AUTS2: variants seen among roughly 807,000 people sequenced by gnomAD.
AUTS2 encodes the protein autism susceptibility gene 2 protein.
AUTS2 carries 17 observed loss-of-function variants against 112.4 expected under a neutral mutation model. That is an observed-to-expected ratio of 0.15 (90% CI 0.10 to 0.23). The LOEUF (loss-of-function observed/expected upper bound fraction) is 0.23, where lower values mean the gene tolerates loss of function less well. AUTS2 is among the 10% of genes least tolerant of loss of function. The pLI, the probability that AUTS2 is intolerant of heterozygous loss-of-function variation, is 1.00. For synonymous variants in AUTS2, 751 were observed against 702.7 expected (o/e 1.07, Z -1.09); for missense variants, 1,510 against 1,701.6 (o/e 0.89, Z 1.98).
chr7:70,382,817 T>G (rs1411596383), intron 4 of AUTS2, among the ~76,000 whole-genome samples: 2 of 152,218 alleles, frequency 1.3e-5, no homozygotes, highest in Non-Finnish European at 2.9e-5. Context: ...GGTCATTCTC[T>G]TCCTTTTTTA....
chr7:69,930,814 G>C (rs1027513726), intron 2 of AUTS2, among the ~76,000 whole-genome samples: 6 of 151,888 alleles, frequency 4.0e-5, no homozygotes, highest in Non-Finnish European at 5.9e-5. Flanking sequence ...AAAATCTTTA[G>C]GTAAACATCA....
intron 5 of AUTS2, among the ~76,000 whole-genome samples, chr7:70,522,454 C>A (rs1416603720): frequency 6.6e-6 from 1 of 152,160 alleles, no homozygotes; most frequent in Non-Finnish European, 1.5e-5. Context: ...TGCCTTCTTC[C>A]CTCTCTCCAC....
At chr7:70,516,129 C>T (rs1203837587) in intron 5 of AUTS2, among the ~76,000 whole-genome samples, 2 of 152,176 alleles carry the variant, frequency 1.3e-5, no homozygotes, top group Non-Finnish European at 2.9e-5. Context: ...GTAACTGATT[C>T]TTGTAGCAGA....
intron 2 of AUTS2, among the ~76,000 whole-genome samples, chr7:70,059,576 G>T (rs1305539172): frequency 6.6e-6 from 1 of 152,142 alleles, no homozygotes; most frequent in African/African-American, 2.4e-5. Flanking sequence ...CGAGGATCTG[G>T]AAATTCTGTA....
chr7:69,885,074 G>T (rs1451291522), intron 1 of AUTS2, among the ~76,000 whole-genome samples: 2 of 152,208 alleles, frequency 1.3e-5, no homozygotes, highest in Non-Finnish European at 2.9e-5. Flanking sequence ...CAGAGTCATA[G>T]CTGTGTGAAC....
In AUTS2 at chr7:70,791,000, G is replaced by A. The variant is rs764244245; in HGVS notation, c.*4G>A. 8.1e-6 allele frequency: 12 copies of A among 1,489,592 alleles called. No individual in the cohort carries two copies. The South Asian group carries it at 1.4e-4, about 18-fold the overall frequency. 92.3% of individuals were successfully genotyped at this position (1,489,592 alleles called of 1,614,324 possible). On this transcript the variant is annotated 3_prime_UTR_variant, in exon 19 of 19. Transcript: ENST00000342771. This position sits in a 1 kb window ranked among gnomAD's most constrained non-coding sequence, Gnocchi z 7.6. ...GAAGGATATCGAGGCCCGATAAGCC[G>A]AGAACAGGAGCAAGAACGAGGAAGA... is the stretch of plus-strand genomic sequence containing the variant.
chr7:69,623,361 T>C (rs1359430657), intron 1 of AUTS2, among the ~76,000 whole-genome samples: 1 of 141,680 alleles, frequency 7.1e-6, no homozygotes, highest in Non-Finnish European at 1.5e-5. Flanking sequence ...AAGCTGGGAC[T>C]ACCACCACCA....
At chr7:69,843,930 T>C (rs1792087435) in intron 1 of AUTS2, among the ~76,000 whole-genome samples, 1 of 152,204 alleles carries the variant, frequency 6.6e-6, no homozygotes, top group Admixed American at 6.5e-5. Context: ...GAGCGCTCAA[T>C]GCTGGGGACA....
intron 5 of AUTS2, among the ~76,000 whole-genome samples, chr7:70,553,976 T>TGGTCA (rs1449955142): frequency 6.6e-6 from 1 of 151,400 alleles, no homozygotes; most frequent in Non-Finnish European, 1.5e-5. Flanking sequence ...TTCACCACAT[T>TGGTCA]GGTCAGGCTG....
intron 4 of AUTS2, among the ~76,000 whole-genome samples, chr7:70,295,869 C>A (rs1164398641): frequency 1.3e-5 from 2 of 152,140 alleles, no homozygotes; most frequent in Non-Finnish European, 2.9e-5. Context: ...TTGAAGAGTT[C>A]AATCAAGAAG....
chr7:69,774,881 G>T (rs1436657697), intron 1 of AUTS2, among the ~76,000 whole-genome samples: 1 of 152,072 alleles, frequency 6.6e-6, no homozygotes, highest in African/African-American at 2.4e-5. Context: ...GGGAACTCCT[G>T]ATATCTCCAG....
chr7:70,571,048 A>G (rs1042286413), intron 5 of AUTS2, among the ~76,000 whole-genome samples: 3 of 152,226 alleles, frequency 2.0e-5, no homozygotes, highest in Non-Finnish European at 4.4e-5. Flanking sequence ...CTTACAATGT[A>G]TAGTATATTT....
At chr7:69,910,587 T>C (rs1406410948) in intron 2 of AUTS2, among the ~76,000 whole-genome samples, 1 of 152,164 alleles carries the variant, frequency 6.6e-6, no homozygotes, top group Admixed American at 6.5e-5. Context: ...GGCAGGCAAA[T>C]AGAGCATTTG....
chr7:70,779,386 A>G (rs896712684), intron 14 of AUTS2, among the ~76,000 whole-genome samples: 3 of 152,176 alleles, frequency 2.0e-5, no homozygotes, highest in Non-Finnish European at 4.4e-5. Flanking sequence ...GGGGGCATGC[A>G]TCCTTCCTGG....
chr7:70,186,057 A>C (rs1809587334), intron 4 of AUTS2, among the ~76,000 whole-genome samples: 1 of 152,232 alleles, frequency 6.6e-6, no homozygotes, highest in African/African-American at 2.4e-5. Flanking sequence ...CTTACCAATC[A>C]GAATGATATT....
At chr7:69,641,669 T>C (rs373267760) in intron 1 of AUTS2, among the ~76,000 whole-genome samples, 5 of 152,260 alleles carry the variant, frequency 3.3e-5, no homozygotes, top group East Asian at 3.8e-4. Context: ...CTCTCAATGC[T>C]TAAATATGAT....
chr7:69,717,539 CTGT>C (rs1190982065), intron 1 of AUTS2, among the ~76,000 whole-genome samples: 1 of 152,168 alleles, frequency 6.6e-6, no homozygotes, highest in Non-Finnish European at 1.5e-5. Flanking sequence ...TTGAACAGCA[CTGT>C]GTGCTGTGTA....
chr7:70,473,832 C>T (rs1340517588), intron 5 of AUTS2, among the ~76,000 whole-genome samples: 3 of 151,572 alleles, frequency 2.0e-5, no homozygotes, highest in Admixed American at 2.0e-4. Context: ...TCCATCCCAT[C>T]GTGTGTCCTG....
At chr7:70,569,492 C>T (rs1801850274) in intron 5 of AUTS2, among the ~76,000 whole-genome samples, 1 of 152,170 alleles carries the variant, frequency 6.6e-6, no homozygotes, top group Admixed American at 6.5e-5. Context: ...TATTGGTTAC[C>T]CTTCAGTGCT....
Sources: allele counts gnomAD v4.1 joint callset (sites outside exome capture counted in the v4.1 genomes callset), GRCh38; gene constraint gnomAD v4.1.1; non-coding constraint Gnocchi (gnomAD v3.1); transcripts MANE v1.5; gene names NCBI Gene and HGNC (gene_info 2026-07-23, HGNC 2026-07-21).